KCND3: variants seen among roughly 807,000 people sequenced by gnomAD.
KCND3 encodes A-type voltage-gated potassium channel KCND3.
Under a neutral mutation model 51.1 loss-of-function variants are expected in KCND3, and 9 were observed. That is an observed-to-expected ratio of 0.18 (90% CI 0.11 to 0.31). The LOEUF (loss-of-function observed/expected upper bound fraction) is 0.31, where lower values mean the gene tolerates loss of function less well. Ranked by LOEUF, KCND3 falls within the 10% of genes least tolerant of loss-of-function variation. KCND3 has a pLI of 1.00. For missense variants in KCND3, 526 were observed against 903.8 expected, an observed-to-expected ratio of 0.58 and a Z score of 5.36; for synonymous variants, 349 against 368.0, an observed-to-expected ratio of 0.95 and a Z score of 0.59.
chr1:111,983,705 A>G (rs779600039), intron 1 of KCND3, among the ~76,000 whole-genome samples: 45 of 151,924 alleles, frequency 3.0e-4, no homozygotes, highest in Non-Finnish European at 5.9e-4. Context: ...TAACTCCCTC[A>G]GGTTATATAA....
At chr1:111,980,863 C>T (rs1674910835) in intron 2 of KCND3, among the ~76,000 whole-genome samples, 5 of 152,160 alleles carry the variant, frequency 3.3e-5, no homozygotes, top group African/African-American at 9.7e-5. Context: ...ATGACCTCAC[C>T]GAGCACCTGT....
intron 2 of KCND3, among the ~76,000 whole-genome samples, chr1:111,837,393 AT>A (rs1303132886): frequency 6.6e-6 from 1 of 152,208 alleles, no homozygotes; most frequent in Non-Finnish European, 1.5e-5. Flanking sequence ...AAGAGATCCA[AT>A]TTTTGAGTAG....
At chr1:111,809,583 C>T (rs879661942) in intron 2 of KCND3, among the ~76,000 whole-genome samples, 4 of 152,200 alleles carry the variant, frequency 2.6e-5, no homozygotes, top group Admixed American at 1.3e-4. Context: ...GCTGGGATTA[C>T]AGGCATGAGC....
Position 111,775,885 on chromosome 1 carries a change from C to T in KCND3, c.*192G>A, listed in dbSNP as rs939335989. The stretch of plus-strand genomic sequence containing the variant: ...GCAGTATCACAGGGCTATGTCCACG[C>T]TAGCAGCGTGAACCTCAGGTGCCCC... On this transcript the variant is annotated 3_prime_UTR_variant, in exon 8 of 8. Coordinates refer to ENST00000302127, the MANE Select transcript of KCND3 (RefSeq NM_001378969.1). 25 of 489,120 alleles carry T rather than the reference C, an allele frequency of 5.1e-5. No individual in the cohort carries two copies. Among genetic ancestry groups the T allele is most frequent in the Admixed American group, 4.7e-5 (2 of 42,112 alleles). 30.3% of individuals were successfully genotyped at this position (489,120 alleles called of 1,614,324 possible).
chr1:111,935,122 A>T lies in KCND3; in HGVS notation c.1106+46499T>A, dbSNP rs555367212. Among the ~76,000 whole-genome samples, 12 of 152,354 alleles carry T rather than the reference A, an allele frequency of 7.9e-5. 1 individual carries two copies. In the South Asian group the frequency reaches 2.5e-3, roughly 32 times the overall value. On this transcript the variant is annotated intron_variant, in intron 2 of 7. Transcript: ENST00000302127. ...GGGTATGTCCATAAACACAAGTCTT[A>T]TGGTTTTCATTAGATTCTCAAATTC...
intron 2 of KCND3, among the ~76,000 whole-genome samples, chr1:111,877,296 C>A (rs1353555389): frequency 6.6e-6 from 1 of 152,258 alleles, no homozygotes; most frequent in Non-Finnish European, 1.5e-5. Context: ...GGATGAGGTT[C>A]CTCTATGTCT....
intron 2 of KCND3, among the ~76,000 whole-genome samples, chr1:111,968,452 G>A (rs1674133051): frequency 6.6e-6 from 1 of 152,194 alleles, no homozygotes; most frequent in Non-Finnish European, 1.5e-5. Flanking sequence ...GAGGCCAACA[G>A]CTACAACGTC....
At chr1:111,964,602 G>A (rs904216953) in intron 2 of KCND3, among the ~76,000 whole-genome samples, 3 of 152,236 alleles carry the variant, frequency 2.0e-5, no homozygotes, top group African/African-American at 7.2e-5. Flanking sequence ...CACACTTGGA[G>A]CAGGAAAGGC....
chr1:111,775,819 A>AGCCCCCCCC lies in KCND3; in HGVS notation c.*257_*258insGGGGGGGGC. 3 of 97,706 alleles carry AGCCCCCCCC rather than the reference A, an allele frequency of 3.1e-5. 1 individual carries two copies. Among genetic ancestry groups the AGCCCCCCCC allele is most frequent in the Non-Finnish European group, 5.9e-5 (3 of 51,262 alleles). The allele number at this position is 97,706 out of a possible 1,614,324, so 6.1% of individuals were successfully genotyped here. A position where few individuals can be genotyped will look rare whatever the true frequency, so the allele number is the denominator to read the frequency against. On this transcript the variant is annotated 3_prime_UTR_variant, in exon 8 of 8. Transcript: ENST00000302127. ...GCCTATATCCCCCGGCCTATCCCCG[A>AGCCCCCCCC]CCCCCCCACCCTCCCTCCCTTCCTC... is the stretch of plus-strand genomic sequence containing the variant.
chr1:111,775,819 A>ACCCCCCCCCCCCCCCCCCCCCTC lies in KCND3; in HGVS notation c.*257_*258insGAGGGGGGGGGGGGGGGGGGGGG. ...GCCTATATCCCCCGGCCTATCCCCG[A>ACCCCCCCCCCCCCCCCCCCCCTC]CCCCCCCACCCTCCCTCCCTTCCTC... On this transcript the variant is annotated 3_prime_UTR_variant, in exon 8 of 8. Coordinates refer to ENST00000302127, the MANE Select transcript of KCND3 (RefSeq NM_001378969.1). 1.0e-5 allele frequency: 1 copy of ACCCCCCCCCCCCCCCCCCCCCTC among 97,706 alleles called. No individual in the cohort carries two copies. Among genetic ancestry groups the ACCCCCCCCCCCCCCCCCCCCCTC allele is most frequent in the South Asian group, 1.9e-4 (1 of 5,202 alleles). 6.1% of individuals were successfully genotyped at this position (97,706 alleles called of 1,614,324 possible).
chr1:111,940,029 CTTTTGAGAAGTGTCTCTTTA>C (rs1480815166), intron 2 of KCND3, among the ~76,000 whole-genome samples: 5 of 123,412 alleles, frequency 4.1e-5, no homozygotes, highest in Non-Finnish European at 8.5e-5. Flanking sequence ...TAAATATCTT[CTTTTGAGAAGTGTCTCTTTA>C]TATCCTTCGC....
At chr1:111,924,051 G>A (rs955974101) in intron 2 of KCND3, among the ~76,000 whole-genome samples, 1 of 152,168 alleles carries the variant, frequency 6.6e-6, no homozygotes, top group Non-Finnish European at 1.5e-5. Flanking sequence ...ACTAGGACTC[G>A]CAGTCACAAG....
intron 2 of KCND3, among the ~76,000 whole-genome samples, chr1:111,810,671 G>A (rs577473956): frequency 1.3e-5 from 2 of 152,358 alleles, no homozygotes; most frequent in African/African-American, 2.4e-5. Context: ...TGTGAAGGGC[G>A]AGAACGGAGT....
At chr1:111,946,568 T>C (rs1672789482) in intron 2 of KCND3, among the ~76,000 whole-genome samples, 1 of 152,168 alleles carries the variant, frequency 6.6e-6, no homozygotes, top group Admixed American at 6.5e-5. Flanking sequence ...CACTCCCAAG[T>C]CTCCAGACCC....
intron 2 of KCND3, among the ~76,000 whole-genome samples, chr1:111,942,430 CA>C (rs1672569711): frequency 6.6e-6 from 1 of 152,212 alleles, no homozygotes; most frequent in Non-Finnish European, 1.5e-5. Context: ...TCACTGAGTG[CA>C]GGGGTGGTGG....
intron 2 of KCND3, among the ~76,000 whole-genome samples, chr1:111,831,973 T>A (rs763032303): frequency 7.9e-5 from 12 of 152,204 alleles, no homozygotes; most frequent in Non-Finnish European, 1.2e-4. Context: ...GGCACAGGGC[T>A]CCAGGCATGG....
intron 2 of KCND3, among the ~76,000 whole-genome samples, chr1:111,878,502 G>A (rs568778251): frequency 6.6e-6 from 1 of 152,320 alleles, no homozygotes; most frequent in Admixed American, 6.5e-5. Context: ...TGGCTCCTCT[G>A]CTCCATTCCC....
chr1:111,833,321 C>T (rs1666926362), intron 2 of KCND3, among the ~76,000 whole-genome samples: 1 of 152,200 alleles, frequency 6.6e-6, no homozygotes, highest in South Asian at 2.1e-4. Context: ...GCAGACCTTC[C>T]CTTGCTTGCA....
intron 2 of KCND3, among the ~76,000 whole-genome samples, chr1:111,883,644 G>C (rs1027656704): frequency 6.6e-6 from 1 of 152,224 alleles, no homozygotes; most frequent in African/African-American, 2.4e-5. Flanking sequence ...AGTGACGGAG[G>C]AGGGATTCAA....
Sources: gnomAD v4.1 joint callset for allele counts (sites outside exome capture counted in the v4.1 genomes callset) on GRCh38, gnomAD v4.1.1 for gene constraint, MANE v1.5 for transcripts, NCBI Gene and HGNC (gene_info 2026-07-23, HGNC 2026-07-21) for gene names.